The following PHF24 variants were observed in gnomAD, a reference collection of about 807,000 sequenced individuals.
The protein encoded by PHF24 is Galpha inhibitory interacting protein.
In PHF24, 25 loss-of-function variants were observed where a neutral mutation model predicts 42.6. The ratio of observed to expected loss-of-function variants is 0.59; its 90% CI spans 0.43 to 0.82. PHF24 has a LOEUF of 0.82. PHF24 is among the 40% of genes least tolerant of loss of function. The pLI is 0.00. For missense variants in PHF24, 470 were observed against 538.1 expected, an observed-to-expected ratio of 0.87 and a Z score of 1.25; for synonymous variants, 185 against 204.8, an observed-to-expected ratio of 0.90 and a Z score of 0.83.
chr9:34,899,433 C>T, the PHF24 span, among the ~76,000 whole-genome samples: 1 of 152,174 alleles, frequency 6.6e-6, no homozygotes, highest in Non-Finnish European at 1.5e-5. Context: ...GACTGACATG[C>T]CACTGGTGTG....
the PHF24 span, among the ~76,000 whole-genome samples, chr9:34,736,160 C>T: frequency 1.5e-4 from 23 of 151,628 alleles, no homozygotes; most frequent in Non-Finnish European, 2.8e-4. Context: ...GTGAAAAAAG[C>T]AAAACAATAC....
chr9:34,845,013 G>A, the PHF24 span, among the ~76,000 whole-genome samples: 5 of 152,104 alleles, frequency 3.3e-5, no homozygotes. Context: ...AATATTGGGT[G>A]CATATATGCT....
the PHF24 span, among the ~76,000 whole-genome samples, chr9:34,773,900 G>A: frequency 6.6e-6 from 1 of 152,158 alleles, no homozygotes; most frequent in African/African-American, 2.4e-5. Context: ...GTCCTGGATG[G>A]GATCCAGGGA....
At chr9:34,860,530 G>A in the PHF24 span, among the ~76,000 whole-genome samples, 1 of 151,892 alleles carries the variant, frequency 6.6e-6, no homozygotes, top group Non-Finnish European at 1.5e-5. Flanking sequence ...TTCCTTTGTT[G>A]CCATCATATG....
chr9:34,903,176 G>C, the PHF24 span, among the ~76,000 whole-genome samples: 1 of 152,090 alleles, frequency 6.6e-6, no homozygotes, highest in East Asian at 1.9e-4. Flanking sequence ...ACTCCACTAA[G>C]GTCCTTGCCA....
At chr9:34,668,275 C>G in the PHF24 span, among the ~76,000 whole-genome samples, 1 of 152,166 alleles carries the variant, frequency 6.6e-6, no homozygotes, top group African/African-American at 2.4e-5. Context: ...GAAGTCCAGG[C>G]TAGAGAGACA....
chr9:34,850,578 A>G, the PHF24 span, among the ~76,000 whole-genome samples: 67,395 of 152,004 alleles, frequency 0.44, 15,585 homozygotes, highest in East Asian at 0.67. Context: ...TAGTTTGATC[A>G]TCTGAAGCCT....
At chr9:34,932,812 T>G in the PHF24 span, among the ~76,000 whole-genome samples, 5 of 151,820 alleles carry the variant, frequency 3.3e-5, no homozygotes, top group Non-Finnish European at 4.4e-5. Context: ...AAATACTATT[T>G]TATATAAAAA....
chr9:34,713,316 A>C, the PHF24 span, among the ~76,000 whole-genome samples: 1 of 152,232 alleles, frequency 6.6e-6, no homozygotes, highest in Admixed American at 6.5e-5. Flanking sequence ...TCCCTTAGGG[A>C]ACCAGAAGAC....
chr9:34,842,643 A>T, the PHF24 span, among the ~76,000 whole-genome samples: 1 of 152,210 alleles, frequency 6.6e-6, no homozygotes, highest in Non-Finnish European at 1.5e-5. Context: ...CTGGGCCCTC[A>T]TCAGACACAG....
chr9:34,817,536 T>A, the PHF24 span, among the ~76,000 whole-genome samples: 1 of 152,174 alleles, frequency 6.6e-6, no homozygotes, highest in African/African-American at 2.4e-5. Flanking sequence ...TATATCTTCT[T>A]TTTGTGGGAG....
chr9:34,666,263 C>G, the PHF24 span, among the ~76,000 whole-genome samples: 1 of 152,088 alleles, frequency 6.6e-6, no homozygotes, highest in African/African-American at 2.4e-5. Context: ...GGGGCCGAGG[C>G]TTCCGCAGCA....
At chr9:34,816,777 T>C in the PHF24 span, among the ~76,000 whole-genome samples, 1 of 152,124 alleles carries the variant, frequency 6.6e-6, no homozygotes, top group Non-Finnish European at 1.5e-5. Flanking sequence ...TTGCATGGAG[T>C]AGACGTTTCT....
chr9:34,856,518 A>G, the PHF24 span, among the ~76,000 whole-genome samples: 1 of 152,302 alleles, frequency 6.6e-6, no homozygotes, highest in African/African-American at 2.4e-5. Context: ...TTTAACAGTC[A>G]GGCCACTCTT....
chr9:34,744,760 G>A, the PHF24 span, among the ~76,000 whole-genome samples: 1 of 152,076 alleles, frequency 6.6e-6, no homozygotes, highest in Non-Finnish European at 1.5e-5. Flanking sequence ...GTGTAAAAAA[G>A]GTTGGGAGCT....
the PHF24 span, among the ~76,000 whole-genome samples, chr9:34,773,210 G>A: frequency 6.6e-6 from 1 of 152,058 alleles, no homozygotes; most frequent in African/African-American, 2.4e-5. Flanking sequence ...GGCTGGTCTC[G>A]AACTCCCAAC....
At chr9:34,716,539 T>C in the PHF24 span, among the ~76,000 whole-genome samples, 4 of 149,946 alleles carry the variant, frequency 2.7e-5, no homozygotes, top group African/African-American at 9.9e-5. Context: ...GTTTTCTCTC[T>C]CTCCTTTTTT....
At chr9:34,873,955 G>A in the PHF24 span, among the ~76,000 whole-genome samples, 43 of 152,206 alleles carry the variant, frequency 2.8e-4, no homozygotes, top group Admixed American at 6.5e-4. Flanking sequence ...TATTCTCTTT[G>A]AAGCAATTGT....
At chr9:34,850,621 C>T in the PHF24 span, among the ~76,000 whole-genome samples, 2 of 152,250 alleles carry the variant, frequency 1.3e-5, no homozygotes, top group Non-Finnish European at 2.9e-5. Context: ...CATTCTCCAT[C>T]CAGCTTTATT....
Sources: gnomAD v4.1 joint callset for allele counts (sites outside exome capture counted in the v4.1 genomes callset) on GRCh38, gnomAD v4.1.1 for gene constraint, MANE v1.5 for transcripts, NCBI Gene and HGNC (gene_info 2026-07-23, HGNC 2026-07-21) for gene names.